ASIC2: variants seen among roughly 807,000 people sequenced by gnomAD.
The protein encoded by ASIC2 is acid sensing ion channel subunit 2.
In ASIC2, 25 loss-of-function variants were observed where a neutral mutation model predicts 57.3. The observed-to-expected ratio is 0.44, with a 90% CI of 0.32 to 0.61. The LOEUF is 0.61. Ranked by LOEUF, ASIC2 falls within the 20% of genes least tolerant of loss-of-function variation. The pLI is 0.06. For missense variants in ASIC2, 641 were observed against 738.1 expected, an observed-to-expected ratio of 0.87 and a Z score of 1.52; for synonymous variants, 319 against 307.5, an observed-to-expected ratio of 1.04 and a Z score of -0.39.
intron 1 of ASIC2, among the ~76,000 whole-genome samples, chr17:33,640,497 G>A (rs547487789): frequency 3.9e-5 from 6 of 152,280 alleles, no homozygotes; most frequent in African/African-American, 1.4e-4. Flanking sequence ...GAGAGAGCAC[G>A]GACTGTGAAC....
At chr17:33,222,968 C>G (rs369103660) in intron 1 of ASIC2, among the ~76,000 whole-genome samples, 13 of 152,064 alleles carry the variant, frequency 8.5e-5, no homozygotes, top group African/African-American at 2.9e-4. Context: ...TACCAGGTAG[C>G]CTTGTTCTCA....
chr17:33,611,850 A>C (rs751187738), intron 1 of ASIC2, among the ~76,000 whole-genome samples: 4 of 152,216 alleles, frequency 2.6e-5, no homozygotes, highest in Non-Finnish European at 4.4e-5. Flanking sequence ...AAAGTAGCAA[A>C]AGGTGTATTA....
At chr17:33,783,855 C>T (rs2142130831) in intron 1 of ASIC2, among the ~76,000 whole-genome samples, 1 of 152,348 alleles carries the variant, frequency 6.6e-6, no homozygotes, top group Non-Finnish European at 1.5e-5. Context: ...GGATAGTCAG[C>T]AAGGTCTCTT....
At chr17:33,108,232 T>G (rs2092242891) in intron 2 of ASIC2, among the ~76,000 whole-genome samples, 1 of 152,200 alleles carries the variant, frequency 6.6e-6, no homozygotes, top group South Asian at 2.1e-4. Context: ...TTTCTCTGTC[T>G]TCCTACACTG....
At chr17:34,072,457 A>C (rs1414763321) in intron 1 of ASIC2, 1 of 152,230 alleles carries the variant, frequency 6.6e-6, no homozygotes, top group East Asian at 1.9e-4. Flanking sequence ...GTACAGTTAG[A>C]ACGTGGCAAA....
intron 1 of ASIC2, among the ~76,000 whole-genome samples, chr17:33,278,767 T>G (rs892461796): frequency 1.3e-5 from 2 of 152,180 alleles, no homozygotes; most frequent in African/African-American, 2.4e-5. Context: ...ATTTTTTTTT[T>G]TGGTGGAACT....
At chr17:34,030,224 G>T (rs985770995) in intron 1 of ASIC2, among the ~76,000 whole-genome samples, 2 of 152,208 alleles carry the variant, frequency 1.3e-5, no homozygotes, top group Admixed American at 1.3e-4. Flanking sequence ...AAGATTTCAT[G>T]CACTTCTGCC....
chr17:33,094,086 G>A (rs538662756), intron 2 of ASIC2, among the ~76,000 whole-genome samples: 7 of 152,304 alleles, frequency 4.6e-5, no homozygotes, highest in African/African-American at 1.7e-4. Context: ...GATAGCTTCT[G>A]TTTGCACCCC....
At chr17:33,755,915 G>T (rs988590033) in intron 1 of ASIC2, among the ~76,000 whole-genome samples, 1 of 152,188 alleles carries the variant, frequency 6.6e-6, no homozygotes, top group African/African-American at 2.4e-5. Flanking sequence ...TGATGTGCAG[G>T]GTGACCCCCT....
intron 2 of ASIC2, among the ~76,000 whole-genome samples, chr17:33,104,371 G>A (rs2092226760): frequency 6.6e-6 from 1 of 152,206 alleles, no homozygotes; most frequent in African/African-American, 2.4e-5. Flanking sequence ...CAGGAAAAGG[G>A]AGAGGGATGC....
At chr17:33,605,247 G>A (rs1044700778) in intron 1 of ASIC2, among the ~76,000 whole-genome samples, 4 of 152,262 alleles carry the variant, frequency 2.6e-5, no homozygotes, top group African/African-American at 9.6e-5. Context: ...CAGTGCAGAA[G>A]CGGGTCTCTG....
chr17:33,474,965 C>T (rs36096790), intron 1 of ASIC2, among the ~76,000 whole-genome samples: 40 of 152,266 alleles, frequency 2.6e-4, no homozygotes, highest in Admixed American at 9.8e-4. Context: ...TGGAGTTGAT[C>T]GTCCTGCCTC....
intron 1 of ASIC2, among the ~76,000 whole-genome samples, chr17:33,795,796 T>C (rs1911898119): frequency 2.0e-5 from 3 of 152,244 alleles, no homozygotes; most frequent in African/African-American, 7.2e-5. Flanking sequence ...CTTGCTTTCT[T>C]GATATCAAAG....
chr17:33,933,009 T>G, intron 1 of ASIC2, among the ~76,000 whole-genome samples: 1 of 152,120 alleles, frequency 6.6e-6, no homozygotes, highest in East Asian at 1.9e-4. Flanking sequence ...TTCTGATTCC[T>G]TCCTCAAGAC....
chr17:34,013,646 G>A (rs1906848336), intron 1 of ASIC2, among the ~76,000 whole-genome samples: 1 of 152,214 alleles, frequency 6.6e-6, no homozygotes, highest in African/African-American at 2.4e-5. Flanking sequence ...CACCACATGG[G>A]TGCTGTTATG....
chr17:33,826,662 G>A (rs992450063), intron 1 of ASIC2, among the ~76,000 whole-genome samples: 7 of 152,102 alleles, frequency 4.6e-5, no homozygotes, highest in African/African-American at 9.7e-5. Context: ...TTTCTACCAT[G>A]CCTTATTACC....
chr17:34,002,477 T>A (rs1415266183), intron 1 of ASIC2: 20 of 152,182 alleles, frequency 1.3e-4, no homozygotes, highest in Non-Finnish European at 1.5e-5. Flanking sequence ...CAGCAACTGG[T>A]TGGTGGTCCC....
At chr17:33,568,838 A>C (rs1324067273) in intron 1 of ASIC2, among the ~76,000 whole-genome samples, 2 of 152,214 alleles carry the variant, frequency 1.3e-5, no homozygotes, top group Non-Finnish European at 2.9e-5. Context: ...CTTACAGCTT[A>C]AGGTCATATT....
At chr17:33,075,466 C>A (rs1471462701) in intron 3 of ASIC2, among the ~76,000 whole-genome samples, 1 of 152,194 alleles carries the variant, frequency 6.6e-6, no homozygotes. Flanking sequence ...ATTCCTCTCC[C>A]TGCTCTGCCA....
Sources: allele counts gnomAD v4.1 joint callset (sites outside exome capture counted in the v4.1 genomes callset), GRCh38; gene constraint gnomAD v4.1.1; transcripts MANE v1.5; gene names NCBI Gene and HGNC (gene_info 2026-07-23, HGNC 2026-07-21).